FGD5: variants seen among roughly 807,000 people sequenced by gnomAD.
The protein encoded by FGD5 is FYVE, RhoGEF and PH domain-containing protein 5.
A neutral mutation model predicts 133.4 loss-of-function variants in FGD5; 28 were observed. The observed-to-expected ratio is 0.21, with a 90% CI of 0.16 to 0.29. The LOEUF (loss-of-function observed/expected upper bound fraction) is 0.29. Ranked by LOEUF, FGD5 falls within the 10% of genes least tolerant of loss-of-function variation. The pLI is 1.00. For missense variants in FGD5, 1,858 were observed against 1,895.2 expected (o/e 0.98, Z 0.36); for synonymous variants, 810 against 776.5 (o/e 1.04, Z -0.72).
intron 9 of FGD5, among the ~76,000 whole-genome samples, chr3:14,905,672 G>A (rs941382860): frequency 3.9e-5 from 6 of 151,950 alleles, no homozygotes; most frequent in Non-Finnish European, 8.8e-5. Flanking sequence ...TCTGCTTGCG[G>A]GTGGTGTTCA....
chr3:14,912,395 G>A (rs1418811655), intron 11 of FGD5, among the ~76,000 whole-genome samples: 2 of 152,140 alleles, frequency 1.3e-5, no homozygotes, highest in East Asian at 1.9e-4. Flanking sequence ...TGCAGTGGGC[G>A]AGATTTAGCT....
At position 14,932,581 on chromosome 3, in the gene FGD5, A is replaced by C; in HGVS notation, c.4202A>C (p.Lys1401Thr). The C allele has an allele frequency of 5.0e-6, 8 of 1,612,314 alleles. No homozygotes were observed. The highest frequency in any genetic ancestry group is 6.8e-6 in the Non-Finnish European group (8 of 1,179,306). ...VLYTYMASED[K>T]VALESMPLLG... The stretch of plus-strand genomic sequence containing the variant: ...TTTTCCTTCTGTCCTCTGCAGGACA[A>C]AGTGGCCTTGGAGAGTATGCCTCTG... Residue 1401 changes from lysine to threonine, a missense_variant, in exon 19 of 20, where the codon AAA becomes ACA. Lys to Thr is a moderately conservative substitution (Grantham distance 78). Coordinates refer to ENST00000285046, the MANE Select transcript of FGD5 (RefSeq NM_152536.4).
intron 4 of FGD5, 92 bp from the exon 5 acceptor site, chr3:14,897,417 G>T: frequency 6.9e-7 from 1 of 1,449,524 alleles, no homozygotes; most frequent in Non-Finnish European, 9.4e-7. Context: ...CTTCACAGAG[G>T]CCAGGGCTCC....
rs1378764571 is a variant in FGD5 at position 14,898,208 on chromosome 3, A to T, written c.3066+113A>T. 2.1e-6 allele frequency: 3 copies of T among 1,395,484 alleles called. No homozygotes were observed. The East Asian group carries it at 6.9e-5, about 32-fold the overall frequency. The allele number at this position is 1,395,484 out of a possible 1,614,324, so 86.4% of individuals were successfully genotyped here. On this transcript the variant is annotated intron_variant, in intron 6 of 19. Coordinates refer to ENST00000285046, the MANE Select transcript of FGD5 (RefSeq NM_152536.4). ...TGGTAGGTGTGGGGCTGGGGAGCAG[A>T]CAGGGAAGACCTGGCCAGAGGGATG...
At chr3:14,859,890 C>G (rs374965826) in intron 1 of FGD5, among the ~76,000 whole-genome samples, 3 of 148,488 alleles carry the variant, frequency 2.0e-5, no homozygotes, top group South Asian at 4.3e-4. Context: ...ACTCCCCCCC[C>G]AAAAAGGGAA....
At position 14,917,127 on chromosome 3, in the gene FGD5, G is replaced by A. The variant is rs1348760336; in HGVS notation, c.3406-122G>A. 1 of 807,914 alleles carries A rather than the reference G, an allele frequency of 1.2e-6. No homozygotes were observed. The highest frequency in any genetic ancestry group is 1.9e-6 in the Non-Finnish European group (1 of 518,380). 50.0% of individuals were successfully genotyped at this position (807,914 alleles called of 1,614,324 possible). On this transcript the variant is annotated intron_variant, in intron 11 of 19. Coordinates refer to ENST00000285046, the MANE Select transcript of FGD5 (RefSeq NM_152536.4). The surrounding 1 kb of genome is among the most constrained non-coding windows in gnomAD (Gnocchi z 4.1). ...TTGGCCGCAACGTTTTTGCTCACCT[G>A]TGGGGGTTACTGAGGAATACAAGAT... is the stretch of plus-strand genomic sequence containing the variant.
At chr3:14,842,829 G>A (rs2036949469) in intron 1 of FGD5, among the ~76,000 whole-genome samples, 2 of 152,176 alleles carry the variant, frequency 1.3e-5, no homozygotes, top group Admixed American at 1.3e-4. Context: ...TGTCTTGCTT[G>A]TTGGATACTG....
chr3:14,841,020 G>T (rs1207591470), intron 1 of FGD5, among the ~76,000 whole-genome samples: 1 of 152,196 alleles, frequency 6.6e-6, no homozygotes, highest in African/African-American at 2.4e-5. Flanking sequence ...TTGTGCCCCC[G>T]ATCAGTGTGC....
chr3:14,919,344 C>T (rs556970056), intron 13 of FGD5, among the ~76,000 whole-genome samples: 6 of 152,314 alleles, frequency 3.9e-5, no homozygotes, highest in Admixed American at 2.0e-4. Context: ...CCAGGCCGGG[C>T]GCGGTGGCTC....
At chr3:14,925,934 A>T (rs1032277278) in intron 17 of FGD5, 136 bp from the exon 18 acceptor site, 1 of 1,170,074 alleles carries the variant, frequency 8.5e-7, no homozygotes, top group African/African-American at 1.5e-5. Context: ...TACTGGATAG[A>T]TCCTGAGACC....
In FGD5 at chr3:14,932,643, A is replaced by T. The variant is rs1366320545; in HGVS notation, c.4264A>T (p.Ser1422Cys). 6.2e-7 allele frequency: 1 copy of T among 1,614,066 alleles called. No individual in the cohort carries two copies. The highest frequency in any genetic ancestry group is 8.5e-7 in the Non-Finnish European group (1 of 1,179,880). The part of the protein sequence containing the change: ...FTIAPEKEEG[S>C]SEVGPIFHLY... ...CATTGCTCCAGAAAAGGAAGAGGGC[A>T]GCAGTGAAGTAGGACCTATTTTTCA... The change falls in exon 19 of 20, where the codon AGC becomes TGC. Residue 1422 changes from serine (S) to cysteine (C), a missense_variant. Coordinates refer to ENST00000285046, the MANE Select transcript of FGD5 (RefSeq NM_152536.4).
chr3:14,918,579 G>C lies in FGD5; in HGVS notation c.3490-175G>C, dbSNP rs531133529. Among the ~76,000 whole-genome samples, 3 of 152,338 alleles carry C rather than the reference G, an allele frequency of 2.0e-5. No individual in the cohort carries two copies. The South Asian group carries it at 6.2e-4, about 32-fold the overall frequency. On this transcript the variant is annotated intron_variant, in intron 12 of 19. Transcript: ENST00000285046. Reference sequence around the variant, plus strand: ...CGGTGGGTGAGTGGCCAAGAATGATGGAGCTGGCAGCCAGGCACCTTCCAC... The same window carrying C: ...CGGTGGGTGAGTGGCCAAGAATGATCGAGCTGGCAGCCAGGCACCTTCCAC...
chr3:14,847,296 G>A (rs2037068461), intron 1 of FGD5, among the ~76,000 whole-genome samples: 1 of 152,202 alleles, frequency 6.6e-6, no homozygotes, highest in African/African-American at 2.4e-5. Context: ...ATAGAGCAGG[G>A]TTTTAGTCTC....
At chr3:14,901,117 C>T (rs2038231535) in intron 9 of FGD5, 56 bp downstream of exon 9, 1 of 1,582,848 alleles carries the variant, frequency 6.3e-7, no homozygotes, top group Non-Finnish European at 8.7e-7. Context: ...CACCTCCCCA[C>T]CAGCTCCGGT....
intron 2 of FGD5, among the ~76,000 whole-genome samples, chr3:14,876,953 C>G (rs963724408): frequency 2.6e-5 from 4 of 152,240 alleles, no homozygotes; most frequent in Non-Finnish European, 5.9e-5. Flanking sequence ...AGTGTTGAAC[C>G]AGCTGGTTTG....
intron 1 of FGD5, chr3:14,811,008 C>A: frequency 1.4e-6 from 1 of 699,922 alleles, no homozygotes; most frequent in Non-Finnish European, 1.8e-6. Context: ...TCGGCCAAAG[C>A]ATGCGCGGCT....
rs1575184700 is a variant in FGD5 at position 14,819,173 on chromosome 3, C to T, written c.102C>T (p.Cys34=). Residue 34 remains cysteine, a synonymous_variant, in exon 1 of 20, where the codon TGC becomes TGT. Transcript: ENST00000285046. The surrounding 1 kb of genome is among the most constrained non-coding windows in gnomAD (Gnocchi z 4.1). ...ACCTGAATGACAGCTTGAACAAATG[C>T]AGCAACGGGCGGCTGCCCTGTGTAG... ...SVYLNDSLNK[C]SNGRLPCVDR... is the part of the protein sequence containing the mutation. 1 of 1,551,584 alleles carries T rather than the reference C, an allele frequency of 6.4e-7. No individual in the cohort carries two copies. The highest frequency in any genetic ancestry group is 2.4e-5 in the East Asian group (1 of 40,918).
At chr3:14,856,141 G>A (rs1602302) in intron 1 of FGD5, among the ~76,000 whole-genome samples, 42,480 of 151,840 alleles carry the variant, frequency 0.28, 6,632 homozygotes, top group East Asian at 0.7. Context: ...CCTTTCTCCA[G>A]TGAATGTTCT....
intron 10 of FGD5, among the ~76,000 whole-genome samples, chr3:14,910,137 C>A (rs1019324018): frequency 6.6e-6 from 1 of 152,074 alleles, no homozygotes; most frequent in Admixed American, 6.6e-5. Flanking sequence ...GAATTAGAAA[C>A]CTGTAAAAGT....
Sources: gnomAD v4.1 joint callset for allele counts (sites outside exome capture counted in the v4.1 genomes callset) on GRCh38, gnomAD v4.1.1 for gene constraint, Gnocchi (gnomAD v3.1) non-coding constraint, MANE v1.5 for transcripts, NCBI Gene and HGNC (gene_info 2026-07-23, HGNC 2026-07-21) for gene names.